CRYBG1: variants seen among roughly 807,000 people sequenced by gnomAD.
CRYBG1 encodes crystallin beta-gamma domain containing 1, also known as beta/gamma crystallin domain-containing protein 1.
CRYBG1 carries 139 observed loss-of-function variants against 189.2 expected under a neutral mutation model. The ratio of observed to expected loss-of-function variants is 0.73; its 90% confidence interval spans 0.64 to 0.85. The LOEUF (loss-of-function observed/expected upper bound fraction) is 0.85, where lower values mean the gene tolerates loss of function less well. CRYBG1 is among the 40% of genes least tolerant of loss of function. CRYBG1 has a pLI of 0.00. For missense variants in CRYBG1, 2,611 were observed against 2,675.8 expected (o/e 0.98, Z 0.53); for synonymous variants, 1,023 against 1,017.1 (o/e 1.01, Z -0.11).
chr6:106,446,334 G>A (rs772551286), intron 1 of CRYBG1, among the ~76,000 whole-genome samples: 1 of 152,176 alleles, frequency 6.6e-6, no homozygotes, highest in Non-Finnish European at 1.5e-5. Flanking sequence ...ATTCAGAAGA[G>A]TGGTTCTAGT....
At chr6:106,532,109 C>T (rs1773886900) in intron 8 of CRYBG1, among the ~76,000 whole-genome samples, 1 of 152,048 alleles carries the variant, frequency 6.6e-6, no homozygotes, top group Admixed American at 6.5e-5. Flanking sequence ...GCATAATGAT[C>T]AAATCAGGGA....
chr6:106,560,821 T>C lies in CRYBG1; in HGVS notation c.5874T>C (p.Tyr1958=), dbSNP rs370690198. The C allele has an allele frequency of 1.9e-6, 3 of 1,612,226 alleles. No homozygotes were observed. The highest frequency in any genetic ancestry group is 2.7e-5 in the African/African-American group (2 of 74,868). Residue 1958 remains tyrosine (Y), a synonymous_variant, in exon 19 of 22, where the codon TAT becomes TAC. Coordinates refer to ENST00000633556, the MANE Select transcript of CRYBG1 (RefSeq NM_001371242.2). ...VIGGIWVTYE[Y]GSYRGRQFLL... is the part of the protein sequence containing the mutation. The stretch of plus-strand genomic sequence containing the variant: ...TTTTCAGATGGGTTACTTATGAATA[T>C]GGCAGTTACAGAGGGCGACAGTTCC...
intron 1 of CRYBG1, among the ~76,000 whole-genome samples, chr6:106,405,516 C>G (rs1272136921): frequency 3.3e-5 from 5 of 152,234 alleles, no homozygotes; most frequent in African/African-American, 1.2e-4. Flanking sequence ...GATCTCCTAT[C>G]ACAGTGCTCA....
chr6:106,518,043 A>C (rs1381146306), intron 3 of CRYBG1, among the ~76,000 whole-genome samples: 3 of 152,244 alleles, frequency 2.0e-5, no homozygotes, highest in Non-Finnish European at 4.4e-5. Flanking sequence ...GCATTAAGAC[A>C]ACTTTTCAAA....
rs902721293 is a variant in CRYBG1, at chr6:106,486,834, T to C, written c.313-24596T>C. ...CTTTAATGGTGAGGTTCATCTCTTA[T>C]AGTTGGGTCTTGTTTTTTATCCATT... On this transcript the variant is annotated intron_variant, in intron 2 of 21. Coordinates refer to ENST00000633556, the MANE Select transcript of CRYBG1 (RefSeq NM_001371242.2). Among the ~76,000 whole-genome samples, 7 of 152,252 alleles carry C rather than the reference T, an allele frequency of 4.6e-5. No individual in the cohort carries two copies. The East Asian group carries it at 5.8e-4, about 13-fold the overall frequency.
chr6:106,511,832 G>A lies in CRYBG1; in HGVS notation c.715G>A (p.Glu239Lys), dbSNP rs1773266382. The A allele has an allele frequency of 6.6e-7, 1 of 1,516,200 alleles. No homozygotes were observed. The highest frequency in any genetic ancestry group is 8.8e-7 in the Non-Finnish European group (1 of 1,134,496). The allele number at this position is 1,516,200 out of a possible 1,614,324, so 93.9% of individuals were successfully genotyped here. Residue 239 changes from glutamate (E) to lysine (K), a missense_variant, in exon 3 of 22, where the codon GAG (glutamate) becomes AAG (lysine). Glu to Lys is a moderately conservative substitution (Grantham distance 56). Transcript: ENST00000633556. Reference sequence around the variant, plus strand: ...TGATTCACCCCAATTAGAACCTCTGGAGGCAGAGGGAGAGCCTTTCCCAGA... The same window carrying A: ...TGATTCACCCCAATTAGAACCTCTGAAGGCAGAGGGAGAGCCTTTCCCAGA... The part of the protein sequence containing the change: ...ENDSPQLEPL[E>K]AEGEPFPDAT...
In CRYBG1 at chr6:106,469,950, G is replaced by C. The variant is rs138274959; in HGVS notation, c.312+18118G>C. Among the ~76,000 whole-genome samples, 104 of 152,262 alleles carry C rather than the reference G, an allele frequency of 6.8e-4. No homozygotes were observed. In the East Asian group the frequency reaches 0.018, roughly 26 times the overall value. On this transcript the variant is annotated intron_variant, in intron 2 of 21. Coordinates refer to ENST00000633556, the MANE Select transcript of CRYBG1 (RefSeq NM_001371242.2). ...GAGTAGGAGATCTCATTTATGCTATGGGGCTGTCACTTGTGCCGACAGAGT... is the reference window on the plus strand; with the variant it reads ...GAGTAGGAGATCTCATTTATGCTATCGGGCTGTCACTTGTGCCGACAGAGT...
intron 2 of CRYBG1, among the ~76,000 whole-genome samples, chr6:106,501,966 A>G (rs988753286): frequency 1.2e-4 from 19 of 152,318 alleles, no homozygotes; most frequent in African/African-American, 4.6e-4. Context: ...CAGCCTAGCT[A>G]GAGTCCGTGC....
At chr6:106,408,515 C>T (rs1770865513) in intron 1 of CRYBG1, among the ~76,000 whole-genome samples, 1 of 152,194 alleles carries the variant, frequency 6.6e-6, no homozygotes, top group Non-Finnish European at 1.5e-5. Flanking sequence ...CTCCCTAACT[C>T]ATTTTATGAG....
intron 2 of CRYBG1, among the ~76,000 whole-genome samples, chr6:106,483,491 G>A (rs1018124775): frequency 6.6e-6 from 1 of 151,184 alleles, no homozygotes; most frequent in African/African-American, 2.4e-5. Flanking sequence ...AATAAACATG[G>A]GAGTGCAGAT....
At chr6:106,432,695 C>A (rs1397420938) in intron 1 of CRYBG1, among the ~76,000 whole-genome samples, 1 of 152,354 alleles carries the variant, frequency 6.6e-6, no homozygotes, top group South Asian at 2.1e-4. Context: ...AATGTGCCCA[C>A]CACGTGCACC....
At chr6:106,538,052 T>C (rs994973477) in intron 8 of CRYBG1, among the ~76,000 whole-genome samples, 3 of 152,156 alleles carry the variant, frequency 2.0e-5, no homozygotes, top group African/African-American at 7.2e-5. Context: ...ACTCTCTTCT[T>C]GGCATGGTGT....
intron 17 of CRYBG1, among the ~76,000 whole-genome samples, chr6:106,558,224 A>G (rs2114593990): frequency 1.2e-5 from 1 of 81,378 alleles, no homozygotes; most frequent in East Asian, 3.2e-4. Flanking sequence ...GCGTATACCC[A>G]TTTCTCTTTT....
At chr6:106,441,700 A>G (rs1771570596) in intron 1 of CRYBG1, among the ~76,000 whole-genome samples, 1 of 152,210 alleles carries the variant, frequency 6.6e-6, no homozygotes, top group Non-Finnish European at 1.5e-5. Context: ...CAGGTGAGTG[A>G]GAGAAGCCAA....
intron 3 of CRYBG1, among the ~76,000 whole-genome samples, chr6:106,517,934 G>A (rs1038236333): frequency 2.0e-5 from 3 of 152,182 alleles, no homozygotes; most frequent in Non-Finnish European, 2.9e-5. Context: ...ATGTGACGGA[G>A]AGAGGGGAGA....
At chr6:106,563,073 T>C (rs563495028) in intron 20 of CRYBG1, among the ~76,000 whole-genome samples, 25 of 152,310 alleles carry the variant, frequency 1.6e-4, no homozygotes, top group Admixed American at 4.6e-4. Context: ...GGGATTACAG[T>C]TGTGAGCCAC....
At chr6:106,484,082 C>T (rs1248339148) in intron 2 of CRYBG1, among the ~76,000 whole-genome samples, 1 of 152,102 alleles carries the variant, frequency 6.6e-6, no homozygotes, top group Non-Finnish European at 1.5e-5. Flanking sequence ...TCAATTTTTC[C>T]AGCACCATTT....
chr6:106,405,974 C>T (rs1340282038), intron 1 of CRYBG1, among the ~76,000 whole-genome samples: 1 of 152,120 alleles, frequency 6.6e-6, no homozygotes, highest in Non-Finnish European at 1.5e-5. Flanking sequence ...TCTTCTCCTC[C>T]AAAGGATCAC....
intron 1 of CRYBG1, among the ~76,000 whole-genome samples, chr6:106,408,731 T>C (rs1770870696): frequency 1.3e-5 from 2 of 152,158 alleles, no homozygotes; most frequent in Non-Finnish European, 2.9e-5. Flanking sequence ...TGCAAACCAA[T>C]AAACATAATC....
Sources: gnomAD v4.1 joint callset for allele counts (sites outside exome capture counted in the v4.1 genomes callset) on GRCh38, gnomAD v4.1.1 for gene constraint, MANE v1.5 for transcripts, NCBI Gene and HGNC (gene_info 2026-07-23, HGNC 2026-07-21) for gene names.